Variants in PEBP4 observed in about 807,000 individuals in gnomAD.
PEBP4 encodes the protein phosphatidylethanolamine-binding protein 4.
In PEBP4, 22 loss-of-function variants were observed where a neutral mutation model predicts 23.9. The ratio of observed to expected loss-of-function variants is 0.92; its 90% CI spans 0.66 to 1.31. The LOEUF (loss-of-function observed/expected upper bound fraction) is 1.31, where lower values mean the gene tolerates loss of function less well. Ranked by LOEUF, PEBP4 falls within the 40% of genes most tolerant of loss-of-function variation. The pLI, the probability that PEBP4 is intolerant of heterozygous loss-of-function variation, is 0.00. For synonymous variants in PEBP4, 112 were observed against 99.3 expected, an observed-to-expected ratio of 1.13 and a Z score of -0.76; for missense variants, 324 against 281.7, an observed-to-expected ratio of 1.15 and a Z score of -1.07.
intron 4 of PEBP4, among the ~76,000 whole-genome samples, chr8:22,809,159 T>A (rs959268120): frequency 5.3e-5 from 8 of 152,170 alleles, no homozygotes; most frequent in Non-Finnish European, 1.0e-4. Context: ...AAGCACCAGG[T>A]GCTACGTGCT....
chr8:22,754,719 G>A (rs1805340541), intron 4 of PEBP4: 1 of 152,252 alleles, frequency 6.6e-6, no homozygotes, highest in Admixed American at 6.5e-5. Flanking sequence ...CAGCTAGGCA[G>A]GGAGTATGGA....
chr8:22,849,326 C>A (rs1335626617), intron 3 of PEBP4, among the ~76,000 whole-genome samples: 1 of 152,162 alleles, frequency 6.6e-6, no homozygotes, highest in Non-Finnish European at 1.5e-5. Context: ...CTGGGAGATG[C>A]GTTTCTGGCA....
intron 3 of PEBP4, among the ~76,000 whole-genome samples, chr8:22,863,930 TGTCTGGTCCG>T (rs1268349644): frequency 6.6e-6 from 1 of 152,212 alleles, no homozygotes; most frequent in Admixed American, 6.5e-5. Flanking sequence ...TTCTCCATGA[TGTCTGGTCCG>T]GACTTTTATC....
intron 3 of PEBP4, chr8:22,887,846 T>C (rs568490801): frequency 6.6e-6 from 1 of 152,300 alleles, no homozygotes; most frequent in South Asian, 2.1e-4. Context: ...GAAGTGTCTC[T>C]GGAGAATACA....
At chr8:22,902,946 G>T (rs987859719) in intron 3 of PEBP4, among the ~76,000 whole-genome samples, 8 of 152,192 alleles carry the variant, frequency 5.3e-5, no homozygotes, top group African/African-American at 1.9e-4. Flanking sequence ...GTTGGGGAGT[G>T]GGGTGGAGGT....
chr8:22,789,199 C>T (rs1483373758), intron 4 of PEBP4, among the ~76,000 whole-genome samples: 1 of 152,042 alleles, frequency 6.6e-6, no homozygotes, highest in Admixed American at 6.5e-5. Flanking sequence ...GACAGTTATA[C>T]ACTAAGTGTG....
upstream of PEBP4, among the ~76,000 whole-genome samples, chr8:22,928,816 C>T (rs74449481): frequency 0.033 from 4,976 of 152,260 alleles, 130 homozygotes; most frequent in Non-Finnish European, 0.046. Context: ...TTCCTGTCAC[C>T]GTGGTGCCTT....
At chr8:22,734,237 C>T (rs1374741341) in intron 4 of PEBP4, among the ~76,000 whole-genome samples, 1 of 152,230 alleles carries the variant, frequency 6.6e-6, no homozygotes, top group Non-Finnish European at 1.5e-5. Context: ...CTAGAGAAGA[C>T]CCAGCTCTGG....
Position 22,756,720 on chromosome 8 carries a change from AG to A in PEBP4, c.358-29501del, listed in dbSNP as rs1206823213. On this transcript the variant is annotated intron_variant, in intron 4 of 6. Transcript: ENST00000256404. ...GAGGCCCTTCTTTTGCTCCTGGGTA[AG>A]GGAGAAGAAAGTGGTTGCTGGCAGG... Among the ~76,000 whole-genome samples, 4 of 152,312 alleles carry A rather than the reference AG, an allele frequency of 2.6e-5. No homozygotes were observed. The East Asian group carries it at 5.8e-4, about 22-fold the overall frequency.
rs111817039 is a variant in PEBP4 at position 22,835,369 on chromosome 8, C to T, written c.259-17634G>A. Among the ~76,000 whole-genome samples the T allele has an allele frequency of 8.3e-4, 127 of 152,302 alleles. 1 individual carries two copies. Among genetic ancestry groups the T allele is most frequent in the African/African-American group, 2.6e-3 (108 of 41,562 alleles). ...CTGGAGCAGCAGTGACCTTGACAGC[C>T]GGAAGACTTCCTCCAAATGGTCCAT... On this transcript the variant is annotated intron_variant, in intron 3 of 6. Transcript: ENST00000256404.
At chr8:22,892,650 T>A (rs1808516828) in intron 3 of PEBP4, among the ~76,000 whole-genome samples, 1 of 152,146 alleles carries the variant, frequency 6.6e-6, no homozygotes, top group African/African-American at 2.4e-5. Context: ...ATCTGTCTGG[T>A]TGGATTTGAA....
At chr8:22,910,412 G>C (rs1808914945) in intron 3 of PEBP4, among the ~76,000 whole-genome samples, 1 of 152,224 alleles carries the variant, frequency 6.6e-6, no homozygotes, top group Non-Finnish European at 1.5e-5. Context: ...AGCATACAGA[G>C]GTCTCTGCCC....
At chr8:22,801,177 C>T (rs907747442) in intron 4 of PEBP4, among the ~76,000 whole-genome samples, 3 of 152,176 alleles carry the variant, frequency 2.0e-5, no homozygotes, top group African/African-American at 7.2e-5. Flanking sequence ...TGTGCAGTCA[C>T]AGCTGTGCCT....
chr8:22,918,738 G>A (rs7813293), intron 3 of PEBP4, among the ~76,000 whole-genome samples: 3,159 of 152,224 alleles, frequency 0.021, 118 homozygotes, highest in African/African-American at 0.072. Context: ...GTCCTGTCCC[G>A]CAGAGTAGCA....
At chr8:22,747,578 G>A (rs2128751279) in intron 4 of PEBP4, 1 of 151,674 alleles carries the variant, frequency 6.6e-6, no homozygotes, top group South Asian at 2.1e-4. Flanking sequence ...AGGGTGAGTG[G>A]GGTGTGCATG....
chr8:22,925,635 C>A (rs1809311021), intron 2 of PEBP4, among the ~76,000 whole-genome samples: 1 of 152,218 alleles, frequency 6.6e-6, no homozygotes, highest in Non-Finnish European at 1.5e-5. Context: ...AACATGTGAT[C>A]TTGGCAGGGC....
chr8:22,776,860 C>T (rs994547260), intron 4 of PEBP4, among the ~76,000 whole-genome samples: 3 of 150,742 alleles, frequency 2.0e-5, no homozygotes, highest in African/African-American at 4.9e-5. Flanking sequence ...GTGAAGCCTG[C>T]GGAGCTGGGA....
At chr8:22,843,135 T>A (rs1392057159) in intron 3 of PEBP4, among the ~76,000 whole-genome samples, 1 of 151,786 alleles carries the variant, frequency 6.6e-6, no homozygotes, top group East Asian at 1.9e-4. Flanking sequence ...GCTAATTTTT[T>A]GTATTTTTAG....
At chr8:22,800,025 TA>T (rs561496063) in intron 4 of PEBP4, among the ~76,000 whole-genome samples, 2 of 152,152 alleles carry the variant, frequency 1.3e-5, no homozygotes, top group Non-Finnish European at 2.9e-5. Flanking sequence ...TATGCAGCCA[TA>T]AAAAAGGATG....
Sources: gnomAD v4.1 joint callset for allele counts (sites outside exome capture counted in the v4.1 genomes callset) on GRCh38, gnomAD v4.1.1 for gene constraint, MANE v1.5 for transcripts, NCBI Gene and HGNC (gene_info 2026-07-23, HGNC 2026-07-21) for gene names.